TTC13: variants seen among roughly 807,000 people sequenced by gnomAD.
TTC13 encodes the protein tetratricopeptide repeat protein 13.
Under a neutral mutation model 120.0 loss-of-function variants are expected in TTC13, and 62 were observed. The ratio of observed to expected loss-of-function variants is 0.52; its 90% CI spans 0.42 to 0.64. TTC13 has a LOEUF of 0.64. Among genes scored for constraint, TTC13 ranks in the 30% least tolerant of loss-of-function variants. TTC13 has a pLI of 0.00. For synonymous variants in TTC13, 384 were observed against 393.5 expected (o/e 0.98, Z 0.28); for missense variants, 824 against 1,050.2 (o/e 0.78, Z 2.98).
intron 18 of TTC13, among the ~76,000 whole-genome samples, chr1:230,915,527 A>G (rs1328448476): frequency 6.6e-6 from 1 of 152,242 alleles, no homozygotes; most frequent in East Asian, 1.9e-4. Flanking sequence ...CTAAGTGGTC[A>G]ATAACAAAAA....
At chr1:230,921,015 G>T (rs993020839) in intron 16 of TTC13, among the ~76,000 whole-genome samples, 1 of 152,048 alleles carries the variant, frequency 6.6e-6, no homozygotes, top group Non-Finnish European at 1.5e-5. Context: ...TTTTTCCACC[G>T]ATTTTATATT....
chr1:230,948,640 A>C (rs1441641887), intron 4 of TTC13, among the ~76,000 whole-genome samples: 1 of 151,984 alleles, frequency 6.6e-6, no homozygotes, highest in Non-Finnish European at 1.5e-5. Flanking sequence ...GGAGTGCACG[A>C]TCACACCAGG....
chr1:230,969,981 G>T (rs1677556701), intron 1 of TTC13, among the ~76,000 whole-genome samples: 1 of 152,078 alleles, frequency 6.6e-6, no homozygotes, highest in African/African-American at 2.4e-5. Context: ...CATTTCTTTT[G>T]ATTCTCCATC....
intron 9 of TTC13, among the ~76,000 whole-genome samples, chr1:230,933,540 T>C (rs933765936): frequency 1.3e-5 from 2 of 152,204 alleles, no homozygotes; most frequent in African/African-American, 2.4e-5. Flanking sequence ...ATGAACGTTT[T>C]CTAGACCAAT....
rs1055174480 is a variant in TTC13 at position 230,912,882 on chromosome 1, T to G, written c.2094-124A>C. 8.3e-6 allele frequency: 7 copies of G among 839,580 alleles called. No homozygotes were observed. In the African/African-American group the frequency reaches 1.0e-4, roughly 12 times the overall value. The allele number at this position is 839,580 out of a possible 1,614,324, so 52.0% of individuals were successfully genotyped here. On this transcript the variant is annotated intron_variant, in intron 18 of 22. Transcript: ENST00000366661. ...CACTAAACATATACAAGAATGTACCTTACCTTTCTAACTATAGACAAGCAA... is the reference window on the plus strand; with the variant it reads ...CACTAAACATATACAAGAATGTACCGTACCTTTCTAACTATAGACAAGCAA...
chr1:230,953,488 G>C (rs1222566778), intron 4 of TTC13, among the ~76,000 whole-genome samples: 2 of 152,128 alleles, frequency 1.3e-5, no homozygotes, highest in Admixed American at 1.3e-4. Flanking sequence ...GCCAGGCACT[G>C]GGTACTAAGT....
intron 12 of TTC13, among the ~76,000 whole-genome samples, chr1:230,928,459 CTCA>C (rs796768925): frequency 2.6e-5 from 4 of 152,264 alleles, no homozygotes; most frequent in African/African-American, 7.2e-5. Context: ...TTGCTAAACT[CTCA>C]TCATTTCCTA....
chr1:230,952,245 T>G (rs910204487), intron 4 of TTC13, among the ~76,000 whole-genome samples: 3 of 152,178 alleles, frequency 2.0e-5, no homozygotes, highest in African/African-American at 7.2e-5. Context: ...CTCCAAATTA[T>G]TCTTGTTTAC....
At chr1:230,941,568 T>G (rs1388560690) in intron 6 of TTC13, among the ~76,000 whole-genome samples, 3 of 152,124 alleles carry the variant, frequency 2.0e-5, no homozygotes, top group African/African-American at 7.2e-5. Flanking sequence ...CTCCCAAAAT[T>G]TTGGGATTAC....
intron 12 of TTC13, 94 bp downstream of exon 12, chr1:230,928,843 C>G (rs1673278818): frequency 1.5e-6 from 2 of 1,373,066 alleles, no homozygotes; most frequent in East Asian, 4.6e-5. Flanking sequence ...CTACCTCACC[C>G]TCCCAAGTAG....
intron 1 of TTC13, among the ~76,000 whole-genome samples, chr1:230,963,787 C>T (rs370467558): frequency 2.6e-5 from 4 of 151,998 alleles, no homozygotes; most frequent in South Asian, 2.1e-4. Context: ...CAAAGGGCAG[C>T]GAGGAGACTC....
intron 4 of TTC13, among the ~76,000 whole-genome samples, chr1:230,948,821 A>G (rs1675258184): frequency 6.6e-6 from 1 of 152,088 alleles, no homozygotes; most frequent in Non-Finnish European, 1.5e-5. Context: ...AGAATCATTT[A>G]ATAATTCCCT....
chr1:230,973,271 G>A (rs1291164369), intron 1 of TTC13, among the ~76,000 whole-genome samples: 1 of 152,130 alleles, frequency 6.6e-6, no homozygotes, highest in African/African-American at 2.4e-5. Flanking sequence ...TGTGCTGTGA[G>A]CAAAAAGACT....
At chr1:230,933,894 G>A in intron 8 of TTC13, 33 bp from the exon 9 acceptor site, 1 of 1,368,494 alleles carries the variant, frequency 7.3e-7, no homozygotes, top group Non-Finnish European at 1.0e-6. Context: ...TATTTCATTT[G>A]CATAATTGTT....
At chr1:230,957,516 G>A (rs1014765877) in intron 3 of TTC13, among the ~76,000 whole-genome samples, 11 of 152,326 alleles carry the variant, frequency 7.2e-5, no homozygotes, top group African/African-American at 2.6e-4. Context: ...AAATAATTAT[G>A]CATAAATTAG....
chr1:230,971,345 C>CA (rs11453211), intron 1 of TTC13, among the ~76,000 whole-genome samples: 18,750 of 80,612 alleles, frequency 0.23, 2,839 homozygotes, highest in Non-Finnish European at 0.29. Context: ...GACTCCATCT[C>CA]AAAAAAAAAA....
chr1:230,972,209 C>T (rs1367607130), intron 1 of TTC13, among the ~76,000 whole-genome samples: 1 of 152,238 alleles, frequency 6.6e-6, no homozygotes. Context: ...TCAGACAAAA[C>T]ATTTCCCAAA....
At chr1:230,977,494 C>G (rs1407640984) in intron 1 of TTC13, among the ~76,000 whole-genome samples, 1 of 152,122 alleles carries the variant, frequency 6.6e-6, no homozygotes, top group Non-Finnish European at 1.5e-5. Context: ...ATAAAAAAGT[C>G]ACAAACCTCT....
Position 230,943,836 on chromosome 1 carries a change from A to T in TTC13, c.642T>A (p.Asp214Glu). The change falls in exon 6 of 23, where the codon GAT (aspartate) becomes GAA (glutamate). Residue 214 changes from aspartate to glutamate, a missense_variant. By Grantham distance (45) the Asp-to-Glu change is conservative. This residue lies in a region of TTC13 where 430 missense variants were observed against 626.8 expected (regional missense o/e 0.69). Transcript: ENST00000366661. Reference sequence around the variant, plus strand: ...CTCGCTGCTCAAATACCTCTGGACGATCTGGTTCCAAGGTAATTACTCGGC... The same window carrying T: ...CTCGCTGCTCAAATACCTCTGGACGTTCTGGTTCCAAGGTAATTACTCGGC... ...ELSRVITLEPDRPEVFEQRAE... is the reference protein window; with the variant it reads ...ELSRVITLEPERPEVFEQRAE... 1 of 1,612,094 alleles carries T rather than the reference A, an allele frequency of 6.2e-7. No homozygotes were observed. Among genetic ancestry groups the T allele is most frequent in the Non-Finnish European group, 8.5e-7 (1 of 1,178,604 alleles).
Sources: gnomAD v4.1 joint callset for allele counts (sites outside exome capture counted in the v4.1 genomes callset) on GRCh38, gnomAD v4.1.1 for gene constraint, gnomAD v4.1.1 regional missense constraint, MANE v1.5 for transcripts, NCBI Gene and HGNC (gene_info 2026-07-23, HGNC 2026-07-21) for gene names.